The following STK39 variants were observed in gnomAD, a reference collection of about 807,000 sequenced individuals.
STK39 encodes STE20/SPS1-related proline-alanine-rich protein kinase.
In STK39, 20 loss-of-function variants were observed where a neutral mutation model predicts 77.8. The ratio of observed to expected loss-of-function variants is 0.26; its 90% CI spans 0.18 to 0.37. The LOEUF (loss-of-function observed/expected upper bound fraction) is 0.37, where lower values mean the gene tolerates loss of function less well. Ranked by LOEUF, STK39 falls within the 10% of genes least tolerant of loss-of-function variation. The pLI is 1.00. For missense variants in STK39, 479 were observed against 656.5 expected, an observed-to-expected ratio of 0.73 and a Z score of 2.95; for synonymous variants, 246 against 234.1, an observed-to-expected ratio of 1.05 and a Z score of -0.47.
At chr2:168,103,505 T>C (rs1686889881) in intron 10 of STK39, among the ~76,000 whole-genome samples, 1 of 152,184 alleles carries the variant, frequency 6.6e-6, no homozygotes, top group Non-Finnish European at 1.5e-5. Flanking sequence ...GGAGGGAAAA[T>C]GCTTTTATAT....
chr2:168,215,333 A>G (rs952680136), intron 1 of STK39, among the ~76,000 whole-genome samples: 7 of 152,168 alleles, frequency 4.6e-5, no homozygotes, highest in Non-Finnish European at 8.8e-5. Context: ...CGTTAGCTGG[A>G]TAAGAGTTCA....
chr2:168,215,057 C>T (rs75869499), intron 1 of STK39, among the ~76,000 whole-genome samples: 1,848 of 152,268 alleles, frequency 0.012, 45 homozygotes, highest in African/African-American at 0.041. Flanking sequence ...ACCGTATTTG[C>T]GCTGACCTTA....
intron 15 of STK39, among the ~76,000 whole-genome samples, chr2:168,014,798 T>C (rs1160709523): frequency 6.6e-6 from 1 of 152,230 alleles, no homozygotes; most frequent in Non-Finnish European, 1.5e-5. Context: ...AAAGTATCAG[T>C]AAGATCTTAC....
intron 2 of STK39, among the ~76,000 whole-genome samples, chr2:168,167,953 T>A (rs943369227): frequency 1.6e-4 from 25 of 152,180 alleles, no homozygotes; most frequent in African/African-American, 5.8e-4. Context: ...CAGTAGATAT[T>A]CCATTAACTA....
intron 1 of STK39, among the ~76,000 whole-genome samples, chr2:168,193,449 C>T (rs1378448951): frequency 6.6e-6 from 1 of 152,192 alleles, no homozygotes; most frequent in African/African-American, 2.4e-5. Flanking sequence ...CTTGGCAACC[C>T]CAGGGGGCCC....
At chr2:168,111,363 G>A (rs945164818) in intron 10 of STK39, among the ~76,000 whole-genome samples, 1 of 151,970 alleles carries the variant, frequency 6.6e-6, no homozygotes, top group African/African-American at 2.4e-5. Flanking sequence ...TTTAATACAG[G>A]CCCATTAAAT....
intron 15 of STK39, among the ~76,000 whole-genome samples, chr2:168,016,007 ACT>A (rs1559057824): frequency 6.6e-6 from 1 of 152,072 alleles, no homozygotes; most frequent in Non-Finnish European, 1.5e-5. Flanking sequence ...GACTCAATGC[ACT>A]CTCTGCCTCC....
intron 14 of STK39, among the ~76,000 whole-genome samples, chr2:168,049,497 G>A (rs569899017): frequency 6.6e-6 from 1 of 152,188 alleles, no homozygotes; most frequent in Non-Finnish European, 1.5e-5. Context: ...GGACCTACCA[G>A]GATCAGATAA....
chr2:168,190,973 C>A (rs981560788), intron 1 of STK39, among the ~76,000 whole-genome samples: 1 of 152,226 alleles, frequency 6.6e-6, no homozygotes, highest in Non-Finnish European at 1.5e-5. Flanking sequence ...TAAACGGATA[C>A]ACCCACTGGC....
chr2:167,956,540 G>A (rs1691768768), intron 17 of STK39, among the ~76,000 whole-genome samples: 1 of 148,654 alleles, frequency 6.7e-6, no homozygotes, highest in Admixed American at 6.7e-5. Context: ...CTCCAGCCTG[G>A]CGACAGAGCG....
At chr2:168,162,872 C>CA (rs1553536744) in intron 4 of STK39, among the ~76,000 whole-genome samples, 1 of 151,470 alleles carries the variant, frequency 6.6e-6, no homozygotes, top group Non-Finnish European at 1.5e-5. Context: ...ACTAAAAATA[C>CA]AAAAATTAGC....
intron 8 of STK39, among the ~76,000 whole-genome samples, chr2:168,132,888 C>A: frequency 6.6e-6 from 1 of 152,176 alleles, no homozygotes; most frequent in East Asian, 1.9e-4. Flanking sequence ...ATACTATAAT[C>A]AAATATGGGG....
intron 17 of STK39, 37 bp downstream of exon 17, chr2:167,964,625 A>C: frequency 1.9e-6 from 3 of 1,550,270 alleles, no homozygotes; most frequent in African/African-American, 1.4e-5. Flanking sequence ...CAGCATGGCA[A>C]AATATTACCT....
chr2:168,005,560 A>G (rs935934900), intron 16 of STK39, among the ~76,000 whole-genome samples: 4 of 152,198 alleles, frequency 2.6e-5, no homozygotes, highest in Non-Finnish European at 5.9e-5. Context: ...TATCCAACAT[A>G]TTTATTTATT....
intron 14 of STK39, among the ~76,000 whole-genome samples, chr2:168,060,006 T>C (rs1337551962): frequency 2.0e-5 from 3 of 152,278 alleles, no homozygotes; most frequent in Non-Finnish European, 2.9e-5. Context: ...TAAATATTTA[T>C]AGAATGAATG....
At chr2:168,001,750 A>G (rs1317711664) in intron 16 of STK39, among the ~76,000 whole-genome samples, 2 of 152,206 alleles carry the variant, frequency 1.3e-5, no homozygotes, top group African/African-American at 2.4e-5. Context: ...ATGAAGTAAA[A>G]AAACAGCAGA....
At chr2:168,206,405 A>G (rs934630907) in intron 1 of STK39, among the ~76,000 whole-genome samples, 1 of 150,556 alleles carries the variant, frequency 6.6e-6, no homozygotes, top group Non-Finnish European at 1.5e-5. Context: ...GATTCAAGTG[A>G]TTCTCCTGCC....
At chr2:168,247,059 A>AAAT in intron 1 of STK39, among the ~76,000 whole-genome samples, 169 bp downstream of exon 1, 1 of 52,188 alleles carries the variant, frequency 1.9e-5, no homozygotes, top group South Asian at 1.1e-3. Flanking sequence ...TACATTAAAA[A>AAAT]TTAAAAAAAA....
intron 14 of STK39, among the ~76,000 whole-genome samples, chr2:168,049,601 T>C (rs1203339404): frequency 2.0e-5 from 3 of 152,254 alleles, no homozygotes; most frequent in East Asian, 3.8e-4. Flanking sequence ...TTTTCATCTG[T>C]AAATGAGAAT....
Sources: gnomAD v4.1 joint callset for allele counts (sites outside exome capture counted in the v4.1 genomes callset) on GRCh38, gnomAD v4.1.1 for gene constraint, MANE v1.5 for transcripts, NCBI Gene and HGNC (gene_info 2026-07-23, HGNC 2026-07-21) for gene names.